The following WT1 variants were observed in gnomAD, a reference collection of about 807,000 sequenced individuals.
The protein encoded by WT1 is Wilms tumor protein.
In WT1, 8 loss-of-function variants were observed where a neutral mutation model predicts 60.8. The ratio of observed to expected loss-of-function variants is 0.13; its 90% confidence interval spans 0.08 to 0.24. WT1 has a LOEUF of 0.24. WT1 is among the 10% of genes least tolerant of loss of function. WT1 has a pLI of 1.00. For missense variants in WT1, 568 were observed against 711.8 expected, an observed-to-expected ratio of 0.80 and a Z score of 2.30; for synonymous variants, 312 against 297.1, an observed-to-expected ratio of 1.05 and a Z score of -0.52.
chr11:32,389,250 G>A (rs1003653777), intron 9 of WT1, 71 bp from the exon 10 acceptor site: 54 of 1,611,082 alleles, frequency 3.4e-5, no homozygotes, highest in Middle Eastern at 1.6e-4. Context: ...ATCAAGGCCC[G>A]AGTGAAGTCA....
In WT1 at chr11:32,431,032, C is replaced by T. The variant is rs536708187; in HGVS notation, c.662-2413G>A. 3.3e-5 allele frequency among the ~76,000 whole-genome samples: 5 copies of T among 152,300 alleles called. No homozygotes were observed. The South Asian group carries it at 1.0e-3, about 32-fold the overall frequency. On this transcript the variant is annotated intron_variant, in intron 1 of 9. Coordinates refer to ENST00000452863, the MANE Select transcript of WT1 (RefSeq NM_024426.6). Reference sequence around the variant, plus strand: ...ATCGAGTGGCCAAGGTAGCGCCTTTCCCACGGTTAGTCCCGGCCCGGGAGG... The same window carrying T: ...ATCGAGTGGCCAAGGTAGCGCCTTTTCCACGGTTAGTCCCGGCCCGGGAGG...
intron 5 of WT1, among the ~76,000 whole-genome samples, chr11:32,414,255 A>G (rs1852594014): frequency 1.3e-5 from 2 of 152,172 alleles, no homozygotes; most frequent in African/African-American, 4.8e-5. Flanking sequence ...CGAGAAATAT[A>G]CATATATATT....
chr11:32,408,831 C>A (rs1046766549), intron 5 of WT1, among the ~76,000 whole-genome samples: 5 of 152,092 alleles, frequency 3.3e-5, no homozygotes, highest in African/African-American at 1.2e-4. Flanking sequence ...AAACAAAATA[C>A]AACAAAACAA....
intron 1 of WT1, among the ~76,000 whole-genome samples, chr11:32,431,246 G>A (rs1382316421): frequency 3.9e-5 from 6 of 152,172 alleles, no homozygotes; most frequent in Non-Finnish European, 1.5e-5. Context: ...GCTGCACTGT[G>A]ATTGGGGAAA....
intron 4 of WT1, 31 bp from the exon 5 acceptor site, chr11:32,416,571 AATGGAGC>A (rs1306896426): frequency 4.3e-6 from 7 of 1,613,756 alleles, no homozygotes; most frequent in Non-Finnish European, 5.1e-6. Flanking sequence ...GGGAGTGGGG[AATGGAGC>A]ATGCATGGAT....
intron 5 of WT1, 99 bp from the exon 6 acceptor site, chr11:32,400,143 C>A: frequency 6.9e-7 from 1 of 1,449,776 alleles, no homozygotes; most frequent in South Asian, 1.2e-5. Context: ...TTTTAAAGCT[C>A]ACAGAACAAA....
At chr11:32,432,876 T>G (rs1376782779) in intron 1 of WT1, among the ~76,000 whole-genome samples, 1 of 152,202 alleles carries the variant, frequency 6.6e-6, no homozygotes, top group African/African-American at 2.4e-5. Context: ...AATGGCGTAG[T>G]AGTATTTTGT....
At position 32,434,841 on chromosome 11, in the gene WT1, T is replaced by C. The variant is rs955122145; in HGVS notation, c.520A>G (p.Thr174Ala). 1.2e-6 allele frequency: 2 copies of C among 1,612,520 alleles called. No individual in the cohort carries two copies. Among genetic ancestry groups the C allele is most frequent in the South Asian group, 1.1e-5 (1 of 91,030 alleles). The change falls in exon 1 of 10, where the codon ACT becomes GCT. Residue 174 changes from threonine (T) to alanine (A), a missense_variant. Thr to Ala is a moderately conservative substitution (Grantham distance 58). This residue lies in a region of WT1 where 523 missense variants were observed against 565.1 expected (regional missense o/e 0.93). Coordinates refer to ENST00000452863, the MANE Select transcript of WT1 (RefSeq NM_024426.6). ...TAGCGACAGGCTCCGGCTGTGCCAG[T>C]GAACTGGCCGGAAAAGTGGACAGTG...
intron 8 of WT1, 103 bp downstream of exon 8, chr11:32,392,563 C>T (rs1851848298): frequency 6.2e-6 from 7 of 1,133,980 alleles, no homozygotes; most frequent in Non-Finnish European, 9.3e-6. Flanking sequence ...AAACTAAACA[C>T]ATGGCTGACT....
At chr11:32,429,344 A>G (rs3858446) in intron 1 of WT1, among the ~76,000 whole-genome samples, 78,377 of 150,960 alleles carry the variant, frequency 0.52, 23,257 homozygotes, top group African/African-American at 0.8. Context: ...CAACTTCCTC[A>G]CTCCCCAGGC....
At chr11:32,423,170 C>G (rs2133055340) in intron 3 of WT1, among the ~76,000 whole-genome samples, 1 of 152,362 alleles carries the variant, frequency 6.6e-6, no homozygotes, top group African/African-American at 2.4e-5. Context: ...CCTACACTGA[C>G]AGAAGAACTT....
chr11:32,418,581 A>T (rs5030193), intron 3 of WT1, among the ~76,000 whole-genome samples: 24,407 of 152,220 alleles, frequency 0.16, 3,172 homozygotes, highest in East Asian at 0.66. Flanking sequence ...CAGAAATGAA[A>T]AAAGATAAGA....
At chr11:32,390,282 G>A (rs1851778309) in intron 9 of WT1, among the ~76,000 whole-genome samples, 2 of 152,194 alleles carry the variant, frequency 1.3e-5, no homozygotes, top group South Asian at 4.1e-4. Context: ...ACTGAGAAAT[G>A]TCCCAGGAGG....
At position 32,417,620 on chromosome 11, in the gene WT1, A is replaced by C. The variant is rs1852718495; in HGVS notation, c.922T>G (p.Cys308Gly). The change falls in exon 4 of 10, where the codon TGC becomes GGC. Residue 308 changes from cysteine (C) to glycine (G), a missense_variant. Coordinates refer to ENST00000452863, the MANE Select transcript of WT1 (RefSeq NM_024426.6). The stretch of plus-strand genomic sequence containing the variant: ...AAGTTCATCTGATTCCAGGTCATGC[A>C]TTCAAGCTGGGATGTCATTTGGTAT... The C allele has an allele frequency of 3.1e-6, 5 of 1,614,060 alleles. No homozygotes were observed. Among genetic ancestry groups the C allele is most frequent in the Non-Finnish European group, 4.2e-6 (5 of 1,179,964 alleles).
At chr11:32,392,945 C>T (rs1851860483) in intron 7 of WT1, among the ~76,000 whole-genome samples, 190 bp from the exon 8 acceptor site, 1 of 151,348 alleles carries the variant, frequency 6.6e-6, no homozygotes, top group African/African-American at 2.4e-5. Flanking sequence ...AGGATTCTGC[C>T]CCAAGGCTCA....
intron 4 of WT1, among the ~76,000 whole-genome samples, chr11:32,416,825 T>C (rs938329433): frequency 6.6e-6 from 1 of 152,114 alleles, no homozygotes; most frequent in African/African-American, 2.4e-5. Flanking sequence ...CCCTCTGAGC[T>C]TGGTTTACTT....
Position 32,435,419 on chromosome 11 carries a change from G to T in WT1, c.-59C>A, listed in dbSNP as rs570325451. 4.5e-6 allele frequency: 5 copies of T among 1,103,836 alleles called. No individual in the cohort carries two copies. Among genetic ancestry groups the T allele is most frequent in the African/African-American group, 1.6e-5 (1 of 63,032 alleles). 68.4% of individuals were successfully genotyped at this position (1,103,836 alleles called of 1,614,324 possible). A position where few individuals can be genotyped will look rare whatever the true frequency, so the allele number is the denominator to read the frequency against. On this transcript the variant is annotated 5_prime_UTR_variant, in exon 1 of 10. Coordinates refer to ENST00000452863, the MANE Select transcript of WT1 (RefSeq NM_024426.6). ...CTGGGCTGCCGTCCCGGCTCTGGGT[G>T]GGTGGGTGGGTGAATGAGTAGGTGG...
chr11:32,435,017 G>T lies in WT1; in HGVS notation c.344C>A (p.Pro115His), dbSNP rs1565001804. The change falls in exon 1 of 10, where the codon CCC becomes CAC. Residue 115 changes from proline to histidine, a missense_variant. Around this residue, in one of 3 missense-constraint regions of WT1, gnomAD observed 523 missense variants for 565.1 expected, o/e 0.93. Transcript: ENST00000452863. ...CGACCCGTAAGCCGAAGCGCCCGGGGGCGCAAAGTCCAGCACCGGCGCCCA... is the reference window on the plus strand; with the variant it reads ...CGACCCGTAAGCCGAAGCGCCCGGGTGCGCAAAGTCCAGCACCGGCGCCCA... The T allele has an allele frequency of 6.7e-7, 1 of 1,485,310 alleles. No individual in the cohort carries two copies. The allele number at this position is 1,485,310 out of a possible 1,614,324, so 92.0% of individuals were successfully genotyped here.
chr11:32,403,345 C>A (rs1852212136), intron 5 of WT1, among the ~76,000 whole-genome samples: 2 of 152,050 alleles, frequency 1.3e-5, no homozygotes, highest in African/African-American at 4.8e-5. Context: ...TAAAAAGCAA[C>A]TCGGTCTGGG....
Sources: allele counts gnomAD v4.1 joint callset (sites outside exome capture counted in the v4.1 genomes callset), GRCh38; gene constraint gnomAD v4.1.1; regional missense constraint gnomAD v4.1.1; transcripts MANE v1.5; gene names NCBI Gene and HGNC (gene_info 2026-07-23, HGNC 2026-07-21).